Variants in FANCL observed in about 807,000 individuals in gnomAD.
The protein encoded by FANCL is E3 ubiquitin-protein ligase FANCL.
In FANCL, 69 loss-of-function variants were observed where a neutral mutation model predicts 59.4. The ratio of observed to expected loss-of-function variants is 1.16; its 90% CI spans 0.96 to 1.42. The LOEUF (loss-of-function observed/expected upper bound fraction) is 1.42. Ranked by LOEUF, FANCL falls within the 40% of genes most tolerant of loss-of-function variation. FANCL has a pLI of 0.00. For missense variants in FANCL, 519 were observed against 447.2 expected (o/e 1.16, Z -1.45); for synonymous variants, 180 against 147.1 (o/e 1.22, Z -1.62).
chr2:58,214,502 G>A (rs897686066), intron 5 of FANCL, among the ~76,000 whole-genome samples: 6 of 151,894 alleles, frequency 4.0e-5, no homozygotes, highest in African/African-American at 1.2e-4. Flanking sequence ...TAAGTTCCAT[G>A]AGGAATCTTT....
At chr2:58,231,758 T>C (rs901114102) in intron 2 of FANCL, among the ~76,000 whole-genome samples, 1 of 152,228 alleles carries the variant, frequency 6.6e-6, no homozygotes, top group Non-Finnish European at 1.5e-5. Context: ...TCTAATCCTT[T>C]TGTTCTCCCT....
At chr2:58,232,264 C>A in intron 1 of FANCL, 152 bp from the exon 2 acceptor site, 1 of 695,642 alleles carries the variant, frequency 1.4e-6, no homozygotes. Flanking sequence ...AAAATATATG[C>A]AACACAATAT....
At chr2:58,217,191 TATATATATATATATATATATATATACAC>T (rs1411712759) in intron 5 of FANCL, among the ~76,000 whole-genome samples, 124 of 6,762 alleles carry the variant, frequency 0.018, 5 homozygotes, top group East Asian at 0.052. Context: ...TATATATATA[TATATATATATATATATATATATATACAC>T]ACACACACAC....
At position 58,159,724 on chromosome 2, in the gene FANCL, T is replaced by TTTAAG. The variant is rs749229884; in HGVS notation, c.*36_*40dup. 24 of 1,612,086 alleles carry TTTAAG rather than the reference T, an allele frequency of 1.5e-5. No individual in the cohort carries two copies. The highest frequency in any genetic ancestry group is 1.1e-4 in the South Asian group (10 of 90,550). On this transcript the variant is annotated 3_prime_UTR_variant, in exon 14 of 14. Transcript: ENST00000233741. ...ATACCAAAATTCCTTTTGATAATTT[T>TTTAAG]TTAAGTTTCCAGCTCTTCACCGAAA...
In FANCL at chr2:58,204,215, G is replaced by A. The variant is rs771495568; in HGVS notation, c.386C>T (p.Ala129Val). 25 of 1,612,652 alleles carry A rather than the reference G, an allele frequency of 1.6e-5. No individual in the cohort carries two copies. Among genetic ancestry groups the A allele is most frequent in the South Asian group, 7.7e-5 (7 of 91,050 alleles). The change falls in exon 6 of 14, where the codon GCG becomes GTG. Residue 129 changes from alanine (A) to valine (V), a missense_variant. Ala to Val is a moderately conservative substitution (Grantham distance 64). Coordinates refer to ENST00000233741, the MANE Select transcript of FANCL (RefSeq NM_018062.4). Reference protein sequence around the residue: ...GTLGWDKLVYADTCFSTIKLK... With the variant: ...GTLGWDKLVYVDTCFSTIKLK... ...CTTGATGGTACTGAAGCAGGTATCCGCATACACAAGTCTGGTGAGCAGAGG... is the reference window on the plus strand; with the variant it reads ...CTTGATGGTACTGAAGCAGGTATCCACATACACAAGTCTGGTGAGCAGAGG...
In FANCL at chr2:58,204,123, C is replaced by T. The variant is rs2105147118; in HGVS notation, c.471+7G>A. ...TGATCACAATAACAGTTTAACGAGG[C>T]ACATACCTTTGCCTTCAACTTGAGA... is the stretch of plus-strand genomic sequence containing the variant. On this transcript the variant is annotated splice_region_variant and intron_variant, in intron 6 of 13. Transcript: ENST00000233741. 1 of 1,605,264 alleles carries T rather than the reference C, an allele frequency of 6.2e-7. No individual in the cohort carries two copies. The highest frequency in any genetic ancestry group is 1.1e-5 in the South Asian group (1 of 90,896).
chr2:58,221,838 A>T, intron 5 of FANCL, 104 bp downstream of exon 5: 1 of 775,060 alleles, frequency 1.3e-6, no homozygotes, highest in Non-Finnish European at 2.2e-6. Flanking sequence ...AGTTACAATT[A>T]AACACTTTGA....
chr2:58,194,461 CTCA>C (rs1309325661), intron 7 of FANCL, among the ~76,000 whole-genome samples: 1 of 152,114 alleles, frequency 6.6e-6, no homozygotes, highest in East Asian at 1.9e-4. Flanking sequence ...ATGAGATGTT[CTCA>C]TCGTCTATGC....
intron 7 of FANCL, among the ~76,000 whole-genome samples, chr2:58,197,334 A>AT (rs1296037757): frequency 6.6e-6 from 1 of 152,018 alleles, no homozygotes; most frequent in Admixed American, 6.6e-5. Context: ...TACAAGCATA[A>AT]TTTTTTATTT....
At chr2:58,159,839 A>G (rs1358079913) in intron 13 of FANCL, 39 bp from the exon 14 acceptor site, 3 of 1,608,534 alleles carry the variant, frequency 1.9e-6, no homozygotes, top group African/African-American at 1.3e-5. Flanking sequence ...GTTTGTGGAC[A>G]CTCTAAAAAA....
intron 3 of FANCL, among the ~76,000 whole-genome samples, chr2:58,227,573 G>A (rs1354520106): frequency 3.3e-5 from 5 of 152,126 alleles, no homozygotes; most frequent in East Asian, 3.9e-4. Flanking sequence ...GAAGTCTATC[G>A]GTGTGCTCTT....
At chr2:58,195,687 A>T in intron 7 of FANCL, among the ~76,000 whole-genome samples, 1 of 152,156 alleles carries the variant, frequency 6.6e-6, no homozygotes, top group East Asian at 1.9e-4. Context: ...AATATAGATA[A>T]AATGTTTATA....
At chr2:58,162,599 A>G (rs547175651) in intron 11 of FANCL, among the ~76,000 whole-genome samples, 1 of 152,004 alleles carries the variant, frequency 6.6e-6, no homozygotes, top group African/African-American at 2.4e-5. Flanking sequence ...CTTCTTCTAT[A>G]TATGGGTCCT....
rs368900762 is a variant in FANCL, at chr2:58,165,804, A to G, written c.611T>C (p.Met204Thr). The change falls in exon 8 of 14, where the codon ATG becomes ACG. Residue 204 changes from methionine to threonine, a missense_variant. Met to Thr is a moderately conservative substitution (Grantham distance 81). Coordinates refer to ENST00000233741, the MANE Select transcript of FANCL (RefSeq NM_018062.4). ...CCAGGTCTTCTCATCGATTTCATCCATAACATCCCAGAATGCCTTTAGTGA... is the reference window on the plus strand; with the variant it reads ...CCAGGTCTTCTCATCGATTTCATCCGTAACATCCCAGAATGCCTTTAGTGA... ...IESLKAFWDV[M>T]DEIDEKTWVL... is the part of the protein sequence containing the mutation. 19 of 1,614,068 alleles carry G rather than the reference A, an allele frequency of 1.2e-5. No individual in the cohort carries two copies. The Admixed American group carries it at 1.5e-4, about 13-fold the overall frequency.
At chr2:58,177,642 GA>G (rs1558758505) in intron 7 of FANCL, among the ~76,000 whole-genome samples, 2 of 91,210 alleles carry the variant, frequency 2.2e-5, no homozygotes, top group African/African-American at 8.6e-5. Context: ...GGGGTGGGGG[GA>G]GGGGGGAGGG....
chr2:58,200,736 CACAA>C (rs1469845479), intron 6 of FANCL, among the ~76,000 whole-genome samples: 3 of 151,704 alleles, frequency 2.0e-5, no homozygotes, highest in African/African-American at 7.2e-5. Context: ...GAAAGAGATC[CACAA>C]ACAGTTAAAC....
intron 7 of FANCL, among the ~76,000 whole-genome samples, chr2:58,182,281 T>C (rs774347184): frequency 2.6e-5 from 4 of 151,832 alleles, no homozygotes; most frequent in Non-Finnish European, 4.4e-5. Context: ...TGATATTAGT[T>C]CAATACAGCC....
At chr2:58,194,720 G>A (rs917428614) in intron 7 of FANCL, among the ~76,000 whole-genome samples, 4 of 151,704 alleles carry the variant, frequency 2.6e-5, no homozygotes, top group Non-Finnish European at 5.9e-5. Context: ...TTGTCATGAC[G>A]CACAAAACCC....
At chr2:58,201,068 T>G (rs942643973) in intron 6 of FANCL, among the ~76,000 whole-genome samples, 1 of 150,634 alleles carries the variant, frequency 6.6e-6, no homozygotes, top group Non-Finnish European at 1.5e-5. Context: ...TAAACTAGCA[T>G]ACTAGATATT....
Sources: allele counts gnomAD v4.1 joint callset (sites outside exome capture counted in the v4.1 genomes callset), GRCh38; gene constraint gnomAD v4.1.1; transcripts MANE v1.5; gene names NCBI Gene and HGNC (gene_info 2026-07-23, HGNC 2026-07-21).